Variants in NAV1 observed in about 807,000 individuals in gnomAD.
The protein encoded by NAV1 is neuron navigator 1.
NAV1 carries 18 observed loss-of-function variants against 175.2 expected under a neutral mutation model. That is an observed-to-expected ratio of 0.10 (90% confidence interval 0.07 to 0.15). The LOEUF (loss-of-function observed/expected upper bound fraction) is 0.15, where lower values mean the gene tolerates loss of function less well. NAV1 is among the 10% of genes least tolerant of loss of function. NAV1 has a pLI of 1.00. For missense variants in NAV1, 1,731 were observed against 2,436.6 expected (o/e 0.71, Z 6.10); for synonymous variants, 897 against 978.7 (o/e 0.92, Z 1.56).
At chr1:201,597,133 G>A (rs1229448906) in intron 2 of NAV1, among the ~76,000 whole-genome samples, 2 of 152,122 alleles carry the variant, frequency 1.3e-5, no homozygotes, top group African/African-American at 4.8e-5. Flanking sequence ...GCCTGGCAGG[G>A]TGGGTTTTAA....
At chr1:201,556,468 C>A (rs569527760) in intron 1 of NAV1, among the ~76,000 whole-genome samples, 2 of 151,980 alleles carry the variant, frequency 1.3e-5, no homozygotes, top group African/African-American at 4.8e-5. Context: ...GATTACACCC[C>A]AGTTGTAATA....
At chr1:201,546,517 A>G (rs1311061436) in intron 1 of NAV1, among the ~76,000 whole-genome samples, 1 of 152,202 alleles carries the variant, frequency 6.6e-6, no homozygotes, top group Non-Finnish European at 1.5e-5. Context: ...AAGACTGACT[A>G]GTACGATGAA....
chr1:201,759,148 T>C (rs1424182508), intron 3 of NAV1, among the ~76,000 whole-genome samples: 2 of 152,218 alleles, frequency 1.3e-5, no homozygotes, highest in African/African-American at 4.8e-5. Context: ...ATTAGATTAT[T>C]TGCATTGATT....
At chr1:201,603,394 T>G (rs1210402658) in intron 2 of NAV1, among the ~76,000 whole-genome samples, 1 of 152,178 alleles carries the variant, frequency 6.6e-6, no homozygotes, top group Non-Finnish European at 1.5e-5. Flanking sequence ...ACTGTAAAAT[T>G]TACAGGAATG....
At chr1:201,790,438 C>A in intron 11 of NAV1, 116 bp from the exon 16 acceptor site, 2 of 1,190,800 alleles carry the variant, frequency 1.7e-6, no homozygotes, top group South Asian at 1.3e-5. Context: ...CCTCTCTGCA[C>A]CTCTGAGTCA....
chr1:201,587,956 T>G (rs1326817719), intron 1 of NAV1, among the ~76,000 whole-genome samples: 1 of 152,134 alleles, frequency 6.6e-6, no homozygotes, highest in Non-Finnish European at 1.5e-5. Flanking sequence ...CTCTCAGAGA[T>G]TGTTAGTGGA....
chr1:201,729,089 C>A (rs1344909919), intron 3 of NAV1, among the ~76,000 whole-genome samples: 1 of 152,190 alleles, frequency 6.6e-6, no homozygotes, highest in Non-Finnish European at 1.5e-5. Context: ...CAGCTCTGCC[C>A]ACCTGTCTAC....
At chr1:201,680,659 A>G (rs1670430741) in intron 1 of NAV1, among the ~76,000 whole-genome samples, 1 of 152,196 alleles carries the variant, frequency 6.6e-6, no homozygotes, top group African/African-American at 2.4e-5. Context: ...CCCACCTCCA[A>G]CATTGGGGAT....
chr1:201,794,762 C>T (rs999837092), intron 15 of NAV1, 185 bp downstream of exon 19: 24 of 609,788 alleles, frequency 3.9e-5, no homozygotes, highest in Admixed American at 1.2e-4. Context: ...ATGACCCCAG[C>T]TTCCTAGGGC....
chr1:201,630,168 A>G (rs556527365), intron 2 of NAV1, among the ~76,000 whole-genome samples: 1 of 152,324 alleles, frequency 6.6e-6, no homozygotes, highest in Admixed American at 6.5e-5. Flanking sequence ...AGTGGGTCAG[A>G]TTCAAAACTC....
In NAV1 at chr1:201,714,994, G is replaced by A. The variant is rs116201689; in HGVS notation, c.860+2075G>A. Among the ~76,000 whole-genome samples the A allele has an allele frequency of 1.2e-4, 18 of 152,236 alleles. 1 individual carries two copies. Among genetic ancestry groups the A allele is most frequent in the East Asian group, 3.9e-4 (2 of 5,184 alleles). On this transcript the variant is annotated intron_variant, in intron 2 of 29. Coordinates refer to ENST00000367296, the Ensembl canonical transcript of NAV1. ...TAATGCTGACTGGTTTAGGGGGAGC[G>A]TCTAGGGCCTCTGGCTTCTGCCTCC...
Position 201,809,055 on chromosome 1 carries a change from A to T in NAV1, c.4208-109A>T. On this transcript the variant is annotated intron_variant, in intron 20 of 29. Transcript: ENST00000367296. ...AACTACTTTTGAGTTTGGGACCTCC[A>T]TTCCTTCTCTGTGGCAAACAGAGTT... The T allele has an allele frequency of 2.2e-6, 3 of 1,335,256 alleles. No individual in the cohort carries two copies. In the South Asian group the frequency reaches 3.8e-5, roughly 17 times the overall value. 82.7% of individuals were successfully genotyped at this position (1,335,256 alleles called of 1,614,324 possible). A position where few individuals can be genotyped will look rare whatever the true frequency, so the allele number is the denominator to read the frequency against.
At chr1:201,678,622 CT>C (rs1236815006) in intron 1 of NAV1, among the ~76,000 whole-genome samples, 1 of 152,198 alleles carries the variant, frequency 6.6e-6, no homozygotes, top group Non-Finnish European at 1.5e-5. Context: ...AAAGGAGTAA[CT>C]GTATCAGCAA....
intron 17 of NAV1, among the ~76,000 whole-genome samples, chr1:201,805,975 T>TTC (rs376916856): frequency 3.5e-5 from 5 of 144,636 alleles, no homozygotes; most frequent in East Asian, 2.1e-4. Context: ...GTACTGCATT[T>TTC]TCTCTCTCTC....
At chr1:201,621,332 CTTTT>C (rs11422175), upstream of NAV1, among the ~76,000 whole-genome samples, 1 of 118,892 alleles carries the variant, frequency 8.4e-6, no homozygotes, top group Non-Finnish European at 1.7e-5. Context: ...TCTTTTCTTT[CTTTT>C]TTTTTTTTTT....
chr1:201,749,344 C>T (rs1359133832), intron 3 of NAV1, among the ~76,000 whole-genome samples: 1 of 152,204 alleles, frequency 6.6e-6, no homozygotes, highest in Non-Finnish European at 1.5e-5. Context: ...CAGCAAAAGT[C>T]AGAAGGGGAG....
In NAV1 at chr1:201,784,704, A is replaced by G. The variant is rs532234638; in HGVS notation, c.2805-606A>G. On this transcript the variant is annotated intron_variant, in intron 7 of 29. Coordinates refer to ENST00000367296, the Ensembl canonical transcript of NAV1. The stretch of plus-strand genomic sequence containing the variant: ...GGCTCATGCCACTGTCCCTAGTGCC[A>G]TAATATGATCTTTTAAATAACTAAC... 4.0e-5 allele frequency among the ~76,000 whole-genome samples: 6 copies of G among 151,820 alleles called. No individual in the cohort carries two copies. The South Asian group carries it at 1.3e-3, about 32-fold the overall frequency.
At position 201,776,600 on chromosome 1, in the gene NAV1, C is replaced by T. The variant is rs181138121; in HGVS notation, c.1227-3821C>T. Among the ~76,000 whole-genome samples the T allele has an allele frequency of 2.0e-3, 298 of 148,540 alleles. 1 individual carries two copies. The highest frequency in any genetic ancestry group is 1.3e-3 in the Non-Finnish European group (85 of 67,508). On this transcript the variant is annotated intron_variant, in intron 3 of 29. Transcript: ENST00000367296. ...AGGTTGCAGTGAGCCCAGATTGCACCACTGCACTCTAGCCTGGGTGACAGA... is the reference window on the plus strand; with the variant it reads ...AGGTTGCAGTGAGCCCAGATTGCACTACTGCACTCTAGCCTGGGTGACAGA...
chr1:201,702,558 T>C (rs1157929999), intron 1 of NAV1, among the ~76,000 whole-genome samples: 1 of 152,080 alleles, frequency 6.6e-6, no homozygotes, highest in Non-Finnish European at 1.5e-5. Flanking sequence ...TTAGTAGAGA[T>C]GGGGTTTCAT....
Sources: gnomAD v4.1 joint callset for allele counts (sites outside exome capture counted in the v4.1 genomes callset) on GRCh38, gnomAD v4.1.1 for gene constraint, MANE v1.5 for transcripts, NCBI Gene and HGNC (gene_info 2026-07-23, HGNC 2026-07-21) for gene names.